The following TENM4 variants were observed in gnomAD, a reference collection of about 807,000 sequenced individuals.
The protein encoded by TENM4 is teneurin-4.
TENM4 carries 82 observed loss-of-function variants against 243.3 expected under a neutral mutation model. The observed-to-expected ratio is 0.34, with a 90% CI of 0.28 to 0.40. TENM4 has a LOEUF of 0.40. Ranked by LOEUF, TENM4 falls within the 10% of genes least tolerant of loss-of-function variation. The pLI is 1.00. For synonymous variants in TENM4, 1,412 were observed against 1,456.3 expected (o/e 0.97, Z 0.69); for missense variants, 3,138 against 3,673.3 (o/e 0.85, Z 3.77).
At chr11:79,024,384 C>T (rs1859019148) in intron 6 of TENM4, among the ~76,000 whole-genome samples, 1 of 152,202 alleles carries the variant, frequency 6.6e-6, no homozygotes, top group Non-Finnish European at 1.5e-5. Context: ...ACTACTCTAG[C>T]AGAGAGGGGG....
chr11:79,302,422 A>G (rs1590864448), intron 1 of TENM4, among the ~76,000 whole-genome samples: 1 of 152,152 alleles, frequency 6.6e-6, no homozygotes, highest in Admixed American at 6.6e-5. Context: ...TCTCCACCCT[A>G]TGTTTTGCCT....
At chr11:79,368,098 C>T (rs1345092625) in intron 1 of TENM4, among the ~76,000 whole-genome samples, 1 of 152,118 alleles carries the variant, frequency 6.6e-6, no homozygotes, top group Non-Finnish European at 1.5e-5. Context: ...GCACCAACGC[C>T]AGAGTCCCAC....
intron 7 of TENM4, among the ~76,000 whole-genome samples, chr11:78,899,723 C>T (rs186919634): frequency 5.7e-4 from 87 of 152,250 alleles, no homozygotes; most frequent in African/African-American, 2.0e-3. Flanking sequence ...CCTTCCAGAG[C>T]TGGTTGTTAA....
chr11:78,713,033 G>A (rs1053802851), intron 25 of TENM4, among the ~76,000 whole-genome samples: 3 of 152,152 alleles, frequency 2.0e-5, no homozygotes, highest in East Asian at 1.9e-4. Context: ...CTAAATACAC[G>A]TTTTCTTAAG....
chr11:78,935,508 G>T (rs997513834), intron 6 of TENM4, among the ~76,000 whole-genome samples: 1 of 152,182 alleles, frequency 6.6e-6, no homozygotes, highest in Non-Finnish European at 1.5e-5. Context: ...TAAAGTAATT[G>T]TACCAAAGCT....
chr11:79,330,193 T>C (rs1857039658), intron 1 of TENM4, among the ~76,000 whole-genome samples: 1 of 152,154 alleles, frequency 6.6e-6, no homozygotes, highest in African/African-American at 2.4e-5. Context: ...TACAAGCAAC[T>C]CTTGAAGCTG....
intron 1 of TENM4, among the ~76,000 whole-genome samples, chr11:79,426,655 G>A (rs1389471651): frequency 6.6e-6 from 1 of 152,134 alleles, no homozygotes; most frequent in African/African-American, 2.4e-5. Context: ...GAGCTATAAG[G>A]TATGAAAACA....
chr11:78,812,369 C>G (rs1177391475), intron 13 of TENM4, 53 bp from the exon 14 acceptor site: 5 of 1,525,150 alleles, frequency 3.3e-6, no homozygotes, highest in Non-Finnish European at 4.4e-6. Context: ...CACACCCCAA[C>G]TGCCTTTGTC....
intron 9 of TENM4, among the ~76,000 whole-genome samples, chr11:78,886,094 T>C (rs553010445): frequency 9.8e-5 from 15 of 152,318 alleles, no homozygotes; most frequent in African/African-American, 2.9e-4. Context: ...TGGAACCTGA[T>C]AGGATGTAGA....
rs1038519401 is a variant in TENM4, at chr11:78,849,803, T to A, written c.1681+4301A>T. Among the ~76,000 whole-genome samples the A allele has an allele frequency of 3.3e-5, 5 of 152,174 alleles. No homozygotes were observed. In the East Asian group the frequency reaches 9.6e-4, roughly 29 times the overall value. Reference sequence around the variant, plus strand: ...GTGATAATAAAAATAAGAATAATCATCTCATGGAATTACTGCAAGTCTTAA... The same window carrying A: ...GTGATAATAAAAATAAGAATAATCAACTCATGGAATTACTGCAAGTCTTAA... On this transcript the variant is annotated intron_variant, in intron 12 of 33. Transcript: ENST00000278550.
chr11:78,662,287 G>A (rs748247678), intron 32 of TENM4, among the ~76,000 whole-genome samples: 4 of 151,812 alleles, frequency 2.6e-5, no homozygotes, highest in Admixed American at 1.3e-4. Flanking sequence ...TGTCTCCTGG[G>A]TTCAAGCAAT....
chr11:79,327,577 T>C (rs926746896), intron 1 of TENM4, among the ~76,000 whole-genome samples: 2 of 151,878 alleles, frequency 1.3e-5, no homozygotes, highest in African/African-American at 2.4e-5. Flanking sequence ...ATAAGAAAAC[T>C]GAGTCTTAGT....
At chr11:79,356,061 A>G (rs1351556782) in intron 1 of TENM4, among the ~76,000 whole-genome samples, 1 of 152,192 alleles carries the variant, frequency 6.6e-6, no homozygotes, top group African/African-American at 2.4e-5. Context: ...TGAGCCACCC[A>G]GTGGTGGATC....
chr11:78,729,597 C>A lies in TENM4; in HGVS notation c.3185G>T (p.Ser1062Ile). 1 of 1,613,546 alleles carries A rather than the reference C, an allele frequency of 6.2e-7. No individual in the cohort carries two copies. The highest frequency in any genetic ancestry group is 8.5e-7 in the Non-Finnish European group (1 of 1,179,616). The change falls in exon 22 of 34, where the codon AGC becomes ATC. Residue 1062 changes from serine (S) to isoleucine (I), a missense_variant. Transcript: ENST00000278550. Reference sequence around the variant, plus strand: ...GCCAGGGGTCCGGCTGCTCAGGTAGCTCAGCCTCATCTTGCAGCCAGAGAT... The same window carrying A: ...GCCAGGGGTCCGGCTGCTCAGGTAGATCAGCCTCATCTTGCAGCCAGAGAT... ...ISISGCKMRLSYLSSRTPGYK... is the reference protein window; with the variant it reads ...ISISGCKMRLIYLSSRTPGYK...
chr11:78,983,978 G>A (rs2136637011), intron 6 of TENM4, among the ~76,000 whole-genome samples: 1 of 152,304 alleles, frequency 6.6e-6, no homozygotes, highest in East Asian at 1.9e-4. Flanking sequence ...TCATCTGTCT[G>A]TCAAGGGTCA....
At chr11:78,860,466 T>G (rs1175590832) in intron 10 of TENM4, among the ~76,000 whole-genome samples, 1 of 152,250 alleles carries the variant, frequency 6.6e-6, no homozygotes, top group East Asian at 1.9e-4. Flanking sequence ...TCCATCATTG[T>G]GAAGCAGAGA....
At chr11:78,899,561 G>GC (rs1425578677) in intron 7 of TENM4, among the ~76,000 whole-genome samples, 1 of 127,288 alleles carries the variant, frequency 7.9e-6, no homozygotes, top group Non-Finnish European at 1.6e-5. Context: ...TCAAAAAGCG[G>GC]GGGGGGGGGG....
intron 25 of TENM4, among the ~76,000 whole-genome samples, chr11:78,715,803 C>A (rs1859508437): frequency 6.6e-6 from 1 of 152,174 alleles, no homozygotes; most frequent in Non-Finnish European, 1.5e-5. Context: ...TTCTAGTTTG[C>A]AGAGCTCTCT....
At chr11:79,363,715 T>A (rs1182584129) in intron 1 of TENM4, among the ~76,000 whole-genome samples, 1 of 152,238 alleles carries the variant, frequency 6.6e-6, no homozygotes, top group Non-Finnish European at 1.5e-5. Flanking sequence ...AAGTTATGAA[T>A]AAACTAATAA....
Sources: allele counts gnomAD v4.1 joint callset (sites outside exome capture counted in the v4.1 genomes callset), GRCh38; gene constraint gnomAD v4.1.1; transcripts MANE v1.5; gene names NCBI Gene and HGNC (gene_info 2026-07-23, HGNC 2026-07-21).